SAMD12: variants seen among roughly 807,000 people sequenced by gnomAD.
SAMD12 encodes sterile alpha motif domain-containing protein 12.
Under a neutral mutation model 15.0 loss-of-function variants are expected in SAMD12, and 9 were observed. That is an observed-to-expected ratio of 0.60 (90% confidence interval 0.36 to 1.05). The LOEUF (loss-of-function observed/expected upper bound fraction) is 1.05, where lower values mean the gene tolerates loss of function less well. Among genes scored for constraint, SAMD12 ranks in the 50% least tolerant of loss-of-function variants. The probability of loss-of-function intolerance (pLI) is 0.01; values close to 1 mark genes in which losing one functional copy is unlikely to be tolerated. For missense variants in SAMD12, 230 were observed against 234.2 expected (o/e 0.98, Z 0.12); for synonymous variants, 86 against 90.1 (o/e 0.96, Z 0.25).
chr8:118,534,563 G>C (rs1563914037), intron 2 of SAMD12, among the ~76,000 whole-genome samples: 2 of 152,110 alleles, frequency 1.3e-5, no homozygotes, highest in African/African-American at 4.8e-5. Context: ...CATTCTCCCT[G>C]TCACTTTCAG....
chr8:118,189,069 T>G (rs1025397041), downstream of SAMD12, among the ~76,000 whole-genome samples: 20 of 152,140 alleles, frequency 1.3e-4, no homozygotes, highest in African/African-American at 4.6e-4. Flanking sequence ...AGGAAATCGG[T>G]GGGCCAAGAT....
At chr8:118,551,673 A>G (rs1826339471) in intron 2 of SAMD12, among the ~76,000 whole-genome samples, 1 of 150,314 alleles carries the variant, frequency 6.7e-6, no homozygotes, top group African/African-American at 2.4e-5. Context: ...AAATAACTAA[A>G]ATCAGAGCAG....
At chr8:118,163,874 C>CAAACAAAACA in the SAMD12 span, among the ~76,000 whole-genome samples, 1,599 of 149,262 alleles carry the variant, frequency 0.011, 15 homozygotes, top group South Asian at 0.018. Context: ...GACTCCGTCT[C>CAAACAAAACA]AAACAAAACA....
the SAMD12 span, among the ~76,000 whole-genome samples, chr8:118,179,180 G>A: frequency 3.3e-5 from 5 of 152,318 alleles, no homozygotes; most frequent in East Asian, 3.9e-4. Context: ...GGTGGCTCAT[G>A]TCTCTAATCC....
At chr8:118,363,565 A>G (rs1818615048) in intron 4 of SAMD12, among the ~76,000 whole-genome samples, 1 of 152,098 alleles carries the variant, frequency 6.6e-6, no homozygotes, top group Non-Finnish European at 1.5e-5. Context: ...TGAAACTCAC[A>G]CCATCTGCTC....
the SAMD12 span, among the ~76,000 whole-genome samples, chr8:118,174,812 C>A: frequency 2.0e-5 from 3 of 151,982 alleles, no homozygotes; most frequent in Non-Finnish European, 4.4e-5. Context: ...TAACATAATG[C>A]CACACTTGCT....
At chr8:118,224,301 TAGG>T (rs1812140807) in intron 4 of SAMD12, among the ~76,000 whole-genome samples, 1 of 152,172 alleles carries the variant, frequency 6.6e-6, no homozygotes. Context: ...ACAGGAATTG[TAGG>T]AGTTCAATGA....
chr8:118,474,819 G>A (rs10101322), intron 2 of SAMD12, among the ~76,000 whole-genome samples: 59,004 of 152,142 alleles, frequency 0.39, 13,608 homozygotes, highest in South Asian at 0.5. Flanking sequence ...GATCCCCAAT[G>A]TTCTCGGTAG....
At chr8:118,370,579 A>G (rs1030909794) in intron 4 of SAMD12, among the ~76,000 whole-genome samples, 2 of 152,242 alleles carry the variant, frequency 1.3e-5, no homozygotes, top group Non-Finnish European at 2.9e-5. Context: ...TGTGGTACAT[A>G]TACACCATGG....
chr8:118,363,536 A>G (rs1389974974), intron 4 of SAMD12, among the ~76,000 whole-genome samples: 1 of 151,926 alleles, frequency 6.6e-6, no homozygotes, highest in Non-Finnish European at 1.5e-5. Context: ...TTGAGTTTTG[A>G]GCATGCCAGC....
rs573838922 is a variant in SAMD12, at chr8:118,223,373, C to A, written c.434-25641G>T. ...GTCACTCCCATGCTATCTCCTGTAG[C>A]ATCTGGGTTTTCCCTAGAAGACACT... On this transcript the variant is annotated intron_variant, in intron 4 of 4. Coordinates refer to the SAMD12 transcript ENST00000409003. Among the ~76,000 whole-genome samples, 361 of 152,312 alleles carry A rather than the reference C, an allele frequency of 2.4e-3. 3 individuals carry two copies. The highest frequency in any genetic ancestry group is 8.3e-3 in the African/African-American group (345 of 41,574).
At chr8:118,578,143 C>T (rs1287661735) in intron 2 of SAMD12, among the ~76,000 whole-genome samples, 3 of 152,086 alleles carry the variant, frequency 2.0e-5, no homozygotes, top group Non-Finnish European at 4.4e-5. Context: ...CATAACCTGC[C>T]CTTCTCGTTC....
chr8:118,481,304 T>C (rs1824120913), intron 2 of SAMD12, among the ~76,000 whole-genome samples: 1 of 152,126 alleles, frequency 6.6e-6, no homozygotes, highest in Non-Finnish European at 1.5e-5. Flanking sequence ...TTACAGCATA[T>C]AAAACACATG....
intron 3 of SAMD12, among the ~76,000 whole-genome samples, chr8:118,385,191 C>A (rs908515277): frequency 6.6e-6 from 1 of 152,162 alleles, no homozygotes; most frequent in Non-Finnish European, 1.5e-5. Flanking sequence ...CTTAGTCAAA[C>A]ATCATTCTGG....
chr8:118,575,841 G>A (rs1439823881), intron 2 of SAMD12, among the ~76,000 whole-genome samples: 3 of 152,196 alleles, frequency 2.0e-5, no homozygotes, highest in South Asian at 2.1e-4. Context: ...GGCCACTTGT[G>A]AGGACACATT....
chr8:118,180,081 G>T, the SAMD12 span, among the ~76,000 whole-genome samples: 1 of 152,192 alleles, frequency 6.6e-6, no homozygotes, highest in Non-Finnish European at 1.5e-5. Flanking sequence ...CCAGTAGACG[G>T]GGCTGAACTG....
chr8:118,397,540 T>C (rs78307099), intron 3 of SAMD12, among the ~76,000 whole-genome samples: 1,559 of 152,298 alleles, frequency 0.01, 28 homozygotes, highest in African/African-American at 0.036. Flanking sequence ...GGTCACTCGA[T>C]AACTGAGTTT....
chr8:118,424,991 G>T (rs190086294), intron 3 of SAMD12, among the ~76,000 whole-genome samples: 11 of 151,464 alleles, frequency 7.3e-5, no homozygotes, highest in Non-Finnish European at 1.3e-4. Context: ...CAGGCTGGAG[G>T]GCAGTGGTGG....
At chr8:118,307,021 A>T (rs554879525) in intron 4 of SAMD12, among the ~76,000 whole-genome samples, 1 of 152,344 alleles carries the variant, frequency 6.6e-6, no homozygotes, top group South Asian at 2.1e-4. Flanking sequence ...AAATGATTAA[A>T]GCCTGAATGT....
Sources: allele counts gnomAD v4.1 joint callset (sites outside exome capture counted in the v4.1 genomes callset), GRCh38; gene constraint gnomAD v4.1.1; transcripts MANE v1.5; gene names NCBI Gene and HGNC (gene_info 2026-07-23, HGNC 2026-07-21).